Variants in ZNF878 observed in about 807,000 individuals in gnomAD.
The protein encoded by ZNF878 is zinc finger protein 878.
ZNF878 carries 10 observed loss-of-function variants against 11.1 expected under a neutral mutation model. That is an observed-to-expected ratio of 0.90 (90% confidence interval 0.56 to 1.53). The LOEUF (loss-of-function observed/expected upper bound fraction) is 1.53, where lower values mean the gene tolerates loss of function less well. Among genes scored for constraint, ZNF878 ranks in the 40% most tolerant of loss-of-function variants. ZNF878 has a pLI of 0.00. For synonymous variants in ZNF878, 165 were observed against 209.7 expected, an observed-to-expected ratio of 0.79 and a Z score of 1.84; for missense variants, 548 against 626.1, an observed-to-expected ratio of 0.88 and a Z score of 1.33.
At position 12,046,438 on chromosome 19, in the gene ZNF878, G is replaced by A. The variant is rs10417006; in HGVS notation, c.131-10C>T. 69,684 of 1,571,446 alleles carry A rather than the reference G, an allele frequency of 0.044. 3,317 individuals carry two copies. The highest frequency in any genetic ancestry group is 0.25 in the African/African-American group (18,280 of 73,244). ...TTGTTCCATTTTTTTCCTAAAATGC[G>A]GACCCAGAAAAATAGTCCTGAATTA... On this transcript the variant is annotated splice_polypyrimidine_tract_variant and intron_variant, in intron 2 of 3. Transcript: ENST00000547628.
At position 12,046,761 on chromosome 19, in the gene ZNF878, C is replaced by A; in HGVS notation, c.4-1G>T. 6.2e-7 allele frequency: 1 copy of A among 1,613,856 alleles called. No homozygotes were observed. Among genetic ancestry groups the A allele is most frequent in the Non-Finnish European group, 8.5e-7 (1 of 1,179,866 alleles). Reference sequence around the variant, plus strand: ...CCACATCCTCAAAGGCCACCGAATCCTGAAATATCCCACATGTGGACAGGA... The same window carrying A: ...CCACATCCTCAAAGGCCACCGAATCATGAAATATCCCACATGTGGACAGGA... On this transcript the variant is annotated splice_acceptor_variant, in intron 1 of 3. Transcript: ENST00000547628. LOFTEE classifies it high-confidence loss of function.
At position 12,052,951 on chromosome 19, in the gene ZNF878, G is replaced by T; in HGVS notation, c.-150C>A. The stretch of plus-strand genomic sequence containing the variant: ...CCCCAGACCTTAACTAGCGCGAGCA[G>T]CCCTAGGAGTGAAGAGAGCGGGAAT... On this transcript the variant is annotated 5_prime_UTR_variant, in exon 1 of 4. The change creates a new upstream start codon in the 5' untranslated region. Transcript: ENST00000547628. The T allele has an allele frequency of 7.4e-7, 1 of 1,345,908 alleles. No homozygotes were observed. The highest frequency in any genetic ancestry group is 1.0e-6 in the Non-Finnish European group (1 of 995,204). 83.4% of individuals were successfully genotyped at this position (1,345,908 alleles called of 1,614,324 possible).
At chr19:12,048,734 C>T (rs1184420252) in intron 1 of ZNF878, among the ~76,000 whole-genome samples, 6 of 145,512 alleles carry the variant, frequency 4.1e-5, no homozygotes, top group Admixed American at 7.0e-5. Context: ...CTTGGGGGGC[C>T]GAGGCAGCAG....
chr19:12,050,030 G>A (rs1220684307), intron 1 of ZNF878, among the ~76,000 whole-genome samples: 2 of 151,954 alleles, frequency 1.3e-5, no homozygotes, highest in Non-Finnish European at 2.9e-5. Context: ...TTTGAGACCA[G>A]CCTGGCCAAC....
chr19:12,049,606 C>T (rs1346430350), intron 1 of ZNF878, among the ~76,000 whole-genome samples: 1 of 151,344 alleles, frequency 6.6e-6, no homozygotes, highest in Non-Finnish European at 1.5e-5. Context: ...CCCATCTCTA[C>T]TAAAAATACA....
intron 1 of ZNF878, among the ~76,000 whole-genome samples, chr19:12,049,457 T>C (rs1975529272): frequency 0.032 from 5 of 156 alleles, no homozygotes; most frequent in Non-Finnish European, 0.034. Context: ...CGAGACTCCC[T>C]CTCAAAAAAA....
intron 1 of ZNF878, among the ~76,000 whole-genome samples, chr19:12,048,844 AAAAG>A (rs1274967199): frequency 6.7e-6 from 1 of 148,174 alleles, no homozygotes; most frequent in African/African-American, 2.6e-5. Context: ...AAAAAAAAAA[AAAAG>A]AAAAGAAAAA....
Position 12,045,148 on chromosome 19 carries a change from T to A in ZNF878, c.253A>T (p.Thr85Ser), listed in dbSNP as rs377108052. 2.0e-5 allele frequency: 33 copies of A among 1,612,704 alleles called. No individual in the cohort carries two copies. Among genetic ancestry groups the A allele is most frequent in the Middle Eastern group, 3.3e-4 (2 of 6,078 alleles). Residue 85 changes from threonine (T) to serine (S), a missense_variant, in exon 4 of 4, where the codon ACA becomes TCA. Thr to Ser is a moderately conservative substitution (Grantham distance 58, BLOSUM62 1). This residue lies in a region of ZNF878 where 160 missense variants were observed against 173.3 expected (regional missense o/e 0.92). Coordinates refer to ENST00000547628, the MANE Select transcript of ZNF878 (RefSeq NM_001080404.3). ...TTCAGTGTGTCATCTGGAACCTGTGTCAAAACTTCTCCATGCTGATGACTT... is the reference window on the plus strand; with the variant it reads ...TTCAGTGTGTCATCTGGAACCTGTGACAAAACTTCTCCATGCTGATGACTT... ...KESHQHGEVL[T>S]QVPDDTLKKK...
At chr19:12,046,085 TG>T (rs1268146093) in intron 3 of ZNF878, 7 of 362,324 alleles carry the variant, frequency 1.9e-5, no homozygotes, top group Non-Finnish European at 2.9e-5. Flanking sequence ...TGTTTAGTTT[TG>T]AGTCAGGGTC....
rs768594889 is a variant in ZNF878, at chr19:12,044,472, G to C, written c.929C>G (p.Pro310Arg). 6.2e-7 allele frequency: 1 copy of C among 1,613,710 alleles called. No individual in the cohort carries two copies. Among genetic ancestry groups the C allele is most frequent in the East Asian group, 2.2e-5 (1 of 44,868 alleles). ...VHERKHTGEKPYECKLCGKGF... is the reference protein window; with the variant it reads ...VHERKHTGEKRYECKLCGKGF... ...CTTACCACATAGCTTACACTCATAG[G>C]GTTTCTCTCCAGTGTGTTTTCTTTC... Residue 310 changes from proline (P) to arginine (R), a missense_variant, in exon 4 of 4, where the codon CCC (proline) becomes CGC (arginine). Physicochemically the swap from Pro to Arg is moderately radical, Grantham distance 103. Transcript: ENST00000547628.
chr19:12,046,791 G>A (rs1975496059), intron 1 of ZNF878, 31 bp from the exon 2 acceptor site: 1 of 1,612,778 alleles, frequency 6.2e-7, no homozygotes, highest in African/African-American at 1.3e-5. Flanking sequence ...ACAGGAGGAT[G>A]AGTGAGGCTG....
intron 1 of ZNF878, among the ~76,000 whole-genome samples, chr19:12,049,469 A>AAAAAAAAAAAAAC (rs1975529942): frequency 6.8e-6 from 1 of 147,174 alleles, no homozygotes; most frequent in Non-Finnish European, 1.5e-5. Context: ...TCAAAAAAAA[A>AAAAAAAAAAAAAC]AAAAAAAAAA....
rs775284535 is a variant in ZNF878 at position 12,045,041 on chromosome 19, G to T, written c.360C>A (p.His120Gln). Residue 120 changes from histidine to glutamine, a missense_variant, in exon 4 of 4, where the codon CAC becomes CAA. Physicochemically the swap from His to Gln is conservative, Grantham distance 24 (BLOSUM62 0). This residue lies in a region of ZNF878 where 160 missense variants were observed against 173.3 expected (regional missense o/e 0.92). Transcript: ENST00000547628. ...TACTGGAATAACTAAAGGCTCTGAG[G>T]TGCCTATTAAGGGATGAAAGACCTA... ...IGIGLSSLNR[H>Q]LRAFSYSSSL... 1 of 1,614,048 alleles carries T rather than the reference G, an allele frequency of 6.2e-7. No individual in the cohort carries two copies. Among genetic ancestry groups the T allele is most frequent in the South Asian group, 1.1e-5 (1 of 91,072 alleles).
intron 2 of ZNF878, 22 bp downstream of exon 2, chr19:12,046,612 G>A (rs1420750972): frequency 8.1e-6 from 13 of 1,613,712 alleles, no homozygotes; most frequent in Non-Finnish European, 1.1e-5. Context: ...TTCACTGAGG[G>A]AAGTAATACT....
At chr19:12,049,937 A>G (rs189346311) in intron 1 of ZNF878, among the ~76,000 whole-genome samples, 29 of 151,972 alleles carry the variant, frequency 1.9e-4, no homozygotes, top group Non-Finnish European at 3.5e-4. Context: ...TAAAACATCC[A>G]ATTTTGGCCG....
chr19:12,049,392 T>C (rs1418108118), intron 1 of ZNF878, among the ~76,000 whole-genome samples: 30 of 121,262 alleles, frequency 2.5e-4, no homozygotes, highest in African/African-American at 7.4e-4. Context: ...ACCCAGGAGA[T>C]AGAAGTTGTA....
chr19:12,044,492 T>C lies in ZNF878; in HGVS notation c.909A>G (p.Arg303=), dbSNP rs1975441114. ...RSVKYLRVHE[R]KHTGEKPYEC... ...CATAGGGTTTCTCTCCAGTGTGTTT[T>C]CTTTCATGTACTCGCAGGTACTTGA... The change falls in exon 4 of 4, where the codon AGA becomes AGG. Residue 303 remains arginine, a synonymous_variant. Transcript: ENST00000547628. 2.5e-6 allele frequency: 4 copies of C among 1,613,758 alleles called. No individual in the cohort carries two copies. Among genetic ancestry groups the C allele is most frequent in the South Asian group, 2.2e-5 (2 of 91,040 alleles).
chr19:12,050,447 G>A lies in ZNF878; in HGVS notation c.3+2352C>T, dbSNP rs982916932. ...TTAATCTCTGATTACATAACCAAAA[G>A]TTTCACCTGTACAGAATGTGAAAAT... On this transcript the variant is annotated intron_variant, in intron 1 of 3. Transcript: ENST00000547628. Among the ~76,000 whole-genome samples, 5 of 152,198 alleles carry A rather than the reference G, an allele frequency of 3.3e-5. No homozygotes were observed. In the South Asian group the frequency reaches 6.2e-4, roughly 19 times the overall value.
Position 12,046,614 on chromosome 19 carries a change from A to C in ZNF878, c.130+20T>G, listed in dbSNP as rs1975491740. The C allele has an allele frequency of 6.2e-7, 1 of 1,613,760 alleles. No homozygotes were observed. The highest frequency in any genetic ancestry group is 1.1e-5 in the South Asian group (1 of 91,080). On this transcript the variant is annotated intron_variant, in intron 2 of 3. Transcript: ENST00000547628. Reference sequence around the variant, plus strand: ...ACCTGTTCTTTAATTCACTGAGGGAAGTAATACTGTCATTCTTACCTATGG... The same window carrying C: ...ACCTGTTCTTTAATTCACTGAGGGACGTAATACTGTCATTCTTACCTATGG...
Sources: gnomAD v4.1 joint callset for allele counts (sites outside exome capture counted in the v4.1 genomes callset) on GRCh38, gnomAD v4.1.1 for gene constraint, gnomAD v4.1.1 regional missense constraint, MANE v1.5 for transcripts, NCBI Gene and HGNC (gene_info 2026-07-23, HGNC 2026-07-21) for gene names.